UNC5B: variants seen among roughly 807,000 people sequenced by gnomAD.
UNC5B encodes netrin receptor UNC5B.
In UNC5B, 56 loss-of-function variants were observed where a neutral mutation model predicts 103.7. That is an observed-to-expected ratio of 0.54 (90% CI 0.44 to 0.67). The LOEUF (loss-of-function observed/expected upper bound fraction) is 0.67, where lower values mean the gene tolerates loss of function less well. UNC5B is among the 30% of genes least tolerant of loss of function. UNC5B has a pLI of 0.00. For missense variants in UNC5B, 1,194 were observed against 1,284.5 expected, an observed-to-expected ratio of 0.93 and a Z score of 1.08; for synonymous variants, 577 against 542.0, an observed-to-expected ratio of 1.06 and a Z score of -0.90.
Position 71,302,605 on chromosome 10 carries a change from A to T in UNC5B, c.*3328A>T, listed in dbSNP as rs1397324473. The T allele has an allele frequency of 6.6e-6, 1 of 151,176 alleles. No individual in the cohort carries two copies. Among genetic ancestry groups the T allele is most frequent in the African/African-American group, 2.5e-5 (1 of 40,670 alleles). 9.4% of individuals were successfully genotyped at this position (151,176 alleles called of 1,614,324 possible). A position where few individuals can be genotyped will look rare whatever the true frequency, so the allele number is the denominator to read the frequency against. On this transcript the variant is annotated 3_prime_UTR_variant, in exon 17 of 17. Transcript: ENST00000335350. ...CTCTGGTCCCTATTCCCCAGCTCCT[A>T]GGCAGCTGAGCCGGGTCCCTTAGGG...
intron 14 of UNC5B, 61 bp from the exon 15 acceptor site, chr10:71,296,517 T>C (rs557095104): frequency 6.9e-5 from 109 of 1,575,804 alleles, no homozygotes; most frequent in Non-Finnish European, 9.3e-5. Context: ...TGAGCCTCCA[T>C]TTCTATGAGG....
intron 1 of UNC5B, among the ~76,000 whole-genome samples, chr10:71,268,381 T>C (rs1844567943): frequency 6.6e-6 from 1 of 152,148 alleles, no homozygotes. Context: ...AAGATAGGAG[T>C]GACGCTGCAG....
intron 1 of UNC5B, among the ~76,000 whole-genome samples, chr10:71,269,349 C>CCCCG: frequency 7.0e-6 from 1 of 142,722 alleles, no homozygotes; most frequent in South Asian, 2.5e-4. Context: ...GAAGTCCCCC[C>CCCCG]CCCACAACTT....
At chr10:71,240,480 G>A (rs893510633) in intron 1 of UNC5B, among the ~76,000 whole-genome samples, 7 of 152,376 alleles carry the variant, frequency 4.6e-5, no homozygotes, top group East Asian at 1.9e-4. Flanking sequence ...GGCACAGGCC[G>A]TGGGCACAGG....
intron 9 of UNC5B, among the ~76,000 whole-genome samples, 161 bp downstream of exon 9, chr10:71,291,270 G>A (rs944129460): frequency 6.6e-6 from 1 of 152,118 alleles, no homozygotes; most frequent in Non-Finnish European, 1.5e-5. Context: ...GAGAACTACC[G>A]AGAAGGAAGG....
chr10:71,240,697 GTCTCATTTCTAAAA>G (rs1843879579), intron 1 of UNC5B, among the ~76,000 whole-genome samples: 1 of 152,248 alleles, frequency 6.6e-6, no homozygotes, highest in South Asian at 2.1e-4. Flanking sequence ...CCACTACTCG[GTCTCATTTCTAAAA>G]GACCTGAGGG....
chr10:71,300,292 G>GCCCT lies in UNC5B; in HGVS notation c.*1023_*1026dup, dbSNP rs1224313309. The GCCCT allele has an allele frequency of 1.3e-5, 2 of 152,190 alleles. No homozygotes were observed. Among genetic ancestry groups the GCCCT allele is most frequent in the Non-Finnish European group, 2.9e-5 (2 of 68,046 alleles). The allele number at this position is 152,190 out of a possible 1,614,324, so 9.4% of individuals were successfully genotyped here. A position where few individuals can be genotyped will look rare whatever the true frequency, so the allele number is the denominator to read the frequency against. ...GAGTGCTGAGGGCTGGAGTGGGTGG[G>GCCCT]CCCTCCCTCCCACAGCCCCAGGGAG... On this transcript the variant is annotated 3_prime_UTR_variant, in exon 17 of 17. Coordinates refer to ENST00000335350, the MANE Select transcript of UNC5B (RefSeq NM_170744.5).
chr10:71,214,944 G>A (rs1161779855), intron 1 of UNC5B, among the ~76,000 whole-genome samples: 2 of 152,198 alleles, frequency 1.3e-5, no homozygotes, highest in African/African-American at 4.8e-5. Flanking sequence ...AAGCGGTGTT[G>A]GAATTGTGCT....
intron 1 of UNC5B, among the ~76,000 whole-genome samples, chr10:71,254,287 G>A (rs1172445230): frequency 6.6e-6 from 1 of 152,210 alleles, no homozygotes; most frequent in African/African-American, 2.4e-5. Flanking sequence ...GAAAGGGCTC[G>A]TGGTAATTGT....
intron 1 of UNC5B, among the ~76,000 whole-genome samples, chr10:71,227,600 A>T (rs1843589668): frequency 7.1e-6 from 1 of 141,316 alleles, no homozygotes; most frequent in South Asian, 2.1e-4. Flanking sequence ...TTTTGTATAC[A>T]TACATATATA....
chr10:71,302,089 T>C lies in UNC5B; in HGVS notation c.*2812T>C, dbSNP rs1350198538. 1.4e-5 allele frequency: 2 copies of C among 147,726 alleles called. No homozygotes were observed. Among genetic ancestry groups the C allele is most frequent in the Non-Finnish European group, 3.1e-5 (2 of 65,132 alleles). The allele number at this position is 147,726 out of a possible 1,614,324, so 9.2% of individuals were successfully genotyped here. ...TCTATGAGAAATGCCCAGAAAGGCT[T>C]TGCCGACTCCATCCGTCTGTGGAGG... On this transcript the variant is annotated 3_prime_UTR_variant, in exon 17 of 17. Coordinates refer to ENST00000335350, the MANE Select transcript of UNC5B (RefSeq NM_170744.5).
At chr10:71,284,673 T>A in intron 2 of UNC5B, 47 bp from the exon 3 acceptor site, 1 of 1,608,418 alleles carries the variant, frequency 6.2e-7, no homozygotes. Context: ...GTGCCTCACA[T>A]CCTTGCTTTG....
intron 1 of UNC5B, among the ~76,000 whole-genome samples, chr10:71,265,836 C>T (rs1450631331): frequency 2.6e-5 from 4 of 152,212 alleles, no homozygotes; most frequent in Non-Finnish European, 5.9e-5. Flanking sequence ...CCCACCCCCA[C>T]TGCTGGCTGT....
rs372784750 is a variant in UNC5B at position 71,292,590 on chromosome 10, C to T, written c.1772+36C>T. 10 of 1,557,482 alleles carry T rather than the reference C, an allele frequency of 6.4e-6. 1 individual carries two copies. The South Asian group carries it at 1.1e-4, about 16-fold the overall frequency. ...CCCCAGCCGCTGCTCCTTTTTCTTC[C>T]TCCCATCCCTTGCTGCCTGCCCACA... On this transcript the variant is annotated intron_variant, in intron 11 of 16. Transcript: ENST00000335350.
chr10:71,234,719 A>G (rs1005130121), intron 1 of UNC5B, among the ~76,000 whole-genome samples: 1 of 152,220 alleles, frequency 6.6e-6, no homozygotes, highest in African/African-American at 2.4e-5. Context: ...AGATGCAGCT[A>G]GAATACTTGG....
chr10:71,284,751 G>T lies in UNC5B; in HGVS notation c.336G>T (p.Val112=). ...GGGTGCGCGAGGTGCAGATCGAGGTGTCGCGGCAGCAGGTGGAGGAGCTCT... is the reference window on the plus strand; with the variant it reads ...GGGTGCGCGAGGTGCAGATCGAGGTTTCGCGGCAGCAGGTGGAGGAGCTCT... The part of the protein sequence containing the change: ...GLRVREVQIE[V]SRQQVEELFG... The change falls in exon 3 of 17, where the codon GTG becomes GTT. Residue 112 remains valine, a synonymous_variant. Transcript: ENST00000335350. 2.5e-6 allele frequency: 4 copies of T among 1,609,616 alleles called. No homozygotes were observed. Among genetic ancestry groups the T allele is most frequent in the Non-Finnish European group, 3.4e-6 (4 of 1,178,482 alleles).
rs944011475 is a variant in UNC5B, at chr10:71,296,491, A to C, written c.2326-87A>C. 4.0e-6 allele frequency: 6 copies of C among 1,489,912 alleles called. No individual in the cohort carries two copies. The African/African-American group carries it at 6.9e-5, about 17-fold the overall frequency. The allele number at this position is 1,489,912 out of a possible 1,614,324, so 92.3% of individuals were successfully genotyped here. A position where few individuals can be genotyped will look rare whatever the true frequency, so the allele number is the denominator to read the frequency against. ...TGGAGAGGCCTGAACTGCCCCCCAA[A>C]GCTCCCAACCCTCCCTGAGCCTCCA... On this transcript the variant is annotated intron_variant, in intron 14 of 16. Transcript: ENST00000335350.
intron 1 of UNC5B, among the ~76,000 whole-genome samples, chr10:71,220,121 C>T (rs943419700): frequency 2.6e-5 from 4 of 152,298 alleles, no homozygotes; most frequent in South Asian, 2.1e-4. Context: ...TGAATGTGTG[C>T]GCTTGGGTCA....
At chr10:71,271,448 G>T (rs933699613) in intron 1 of UNC5B, among the ~76,000 whole-genome samples, 5 of 152,190 alleles carry the variant, frequency 3.3e-5, no homozygotes, top group Non-Finnish European at 5.9e-5. Context: ...CAGGGCCCAG[G>T]CCTCCATCAC....
Sources: allele counts gnomAD v4.1 joint callset (sites outside exome capture counted in the v4.1 genomes callset), GRCh38; gene constraint gnomAD v4.1.1; transcripts MANE v1.5; gene names NCBI Gene and HGNC (gene_info 2026-07-23, HGNC 2026-07-21).